The following MATCAP2 variants were observed in gnomAD, a reference collection of about 807,000 sequenced individuals.
MATCAP2 encodes the protein microtubule associated tyrosine carboxypeptidase 2, also known as putative tyrosine carboxypeptidase MATCAP2.
chr7:36,374,712 C>T, the MATCAP2 span, among the ~76,000 whole-genome samples: 4 of 152,092 alleles, frequency 2.6e-5, no homozygotes, highest in Non-Finnish European at 4.4e-5. Flanking sequence ...CAACAGGCCC[C>T]GGTGTGTGAC....
chr7:36,348,452 T>C, the MATCAP2 span, among the ~76,000 whole-genome samples: 1 of 152,226 alleles, frequency 6.6e-6, no homozygotes, highest in South Asian at 2.1e-4. Flanking sequence ...CAATGCTTTA[T>C]AAAACACTGT....
At chr7:36,336,694 A>G in the MATCAP2 span, among the ~76,000 whole-genome samples, 117 of 152,192 alleles carry the variant, frequency 7.7e-4, no homozygotes, top group African/African-American at 2.6e-3. Context: ...ATAGATTACC[A>G]TTGCCCTTTG....
the MATCAP2 span, chr7:36,389,883 G>A: frequency 6.2e-6 from 9 of 1,447,970 alleles, no homozygotes; most frequent in South Asian, 1.2e-5. Context: ...TGGAAGCCGA[G>A]AGGAGAGGAC....
At chr7:36,371,096 G>A in the MATCAP2 span, among the ~76,000 whole-genome samples, 6 of 152,006 alleles carry the variant, frequency 3.9e-5, no homozygotes, top group South Asian at 4.1e-4. Flanking sequence ...GGTAAAGAAC[G>A]TATTTATTTT....
the MATCAP2 span, among the ~76,000 whole-genome samples, chr7:36,329,135 ATTTAT>A: frequency 1.3e-5 from 2 of 152,192 alleles, no homozygotes; most frequent in Admixed American, 1.3e-4. Flanking sequence ...TATTAATATT[ATTTAT>A]TTGGTATTTA....
the MATCAP2 span, among the ~76,000 whole-genome samples, chr7:36,371,371 C>T: frequency 1.3e-5 from 2 of 152,106 alleles, no homozygotes; most frequent in South Asian, 4.1e-4. Flanking sequence ...CCTCCGCCTC[C>T]CAAAATGCTA....
the MATCAP2 span, among the ~76,000 whole-genome samples, chr7:36,358,041 T>A: frequency 6.6e-6 from 1 of 151,800 alleles, no homozygotes; most frequent in African/African-American, 2.4e-5. Flanking sequence ...TACCAAAAAA[T>A]ACAAAAATTA....
the MATCAP2 span, among the ~76,000 whole-genome samples, chr7:36,383,108 T>G: frequency 6.6e-6 from 1 of 152,116 alleles, no homozygotes; most frequent in Admixed American, 6.5e-5. Context: ...CTTCATCAAT[T>G]AAACTAGAAA....
the MATCAP2 span, among the ~76,000 whole-genome samples, chr7:36,346,091 A>G: frequency 6.6e-6 from 1 of 152,168 alleles, no homozygotes; most frequent in Non-Finnish European, 1.5e-5. Context: ...CAAAAGCACA[A>G]TGAGATACCA....
the MATCAP2 span, chr7:36,355,303 T>C: frequency 6.6e-6 from 1 of 152,238 alleles, no homozygotes. Context: ...TCTCCTAAAG[T>C]AGGTATTTTC....
chr7:36,378,184 T>C, the MATCAP2 span, among the ~76,000 whole-genome samples: 1 of 152,250 alleles, frequency 6.6e-6, no homozygotes, highest in African/African-American at 2.4e-5. Flanking sequence ...AGAGGTGCTC[T>C]GGTTTTTAAA....
At chr7:36,389,097 C>T in the MATCAP2 span, among the ~76,000 whole-genome samples, 1 of 152,108 alleles carries the variant, frequency 6.6e-6, no homozygotes, top group Admixed American at 6.5e-5. Flanking sequence ...CTCTGTAGCC[C>T]AGGCTGGAAT....
At chr7:36,348,887 G>T in the MATCAP2 span, among the ~76,000 whole-genome samples, 3,936 of 152,272 alleles carry the variant, frequency 0.026, 265 homozygotes, top group East Asian at 0.24. Flanking sequence ...AGGGTTCCTG[G>T]GATGGACAGG....
At chr7:36,363,570 G>C in the MATCAP2 span, among the ~76,000 whole-genome samples, 165 of 152,296 alleles carry the variant, frequency 1.1e-3, 1 homozygote, top group African/African-American at 3.6e-3. Context: ...ATGAAATCTT[G>C]ATGTTGGATT....
At chr7:36,345,221 CA>C in the MATCAP2 span, among the ~76,000 whole-genome samples, 1 of 151,980 alleles carries the variant, frequency 6.6e-6, no homozygotes, top group African/African-American at 2.4e-5. Context: ...AAACATTGAA[CA>C]AAAAAACCCA....
the MATCAP2 span, chr7:36,390,139 G>C: frequency 6.3e-7 from 1 of 1,596,384 alleles, no homozygotes; most frequent in Non-Finnish European, 8.6e-7. Flanking sequence ...CCCACCGGGC[G>C]GAGGGCGCGT....
At chr7:36,333,892 G>A in the MATCAP2 span, 15 of 1,613,680 alleles carry the variant, frequency 9.3e-6, no homozygotes, top group Non-Finnish European at 1.1e-5. Flanking sequence ...CTCTTGGCCC[G>A]TACACAATAA....
the MATCAP2 span, among the ~76,000 whole-genome samples, chr7:36,331,238 A>T: frequency 6.6e-6 from 1 of 152,194 alleles, no homozygotes; most frequent in Non-Finnish European, 1.5e-5. Context: ...CATTACATAA[A>T]ATGTCAGGTC....
chr7:36,348,835 A>G, the MATCAP2 span, among the ~76,000 whole-genome samples: 1 of 152,232 alleles, frequency 6.6e-6, no homozygotes, highest in Non-Finnish European at 1.5e-5. Flanking sequence ...AAGCATATAG[A>G]AACTAAAGAA....
Sources: gnomAD v4.1 joint callset for allele counts (sites outside exome capture counted in the v4.1 genomes callset) on GRCh38, gnomAD v4.1.1 for gene constraint, MANE v1.5 for transcripts, NCBI Gene and HGNC (gene_info 2026-07-23, HGNC 2026-07-21) for gene names.